Variants in NAT10 observed in about 807,000 individuals in gnomAD.
NAT10 encodes RNA cytidine acetyltransferase.
In NAT10, 109 loss-of-function variants were observed where a neutral mutation model predicts 132.2. That is an observed-to-expected ratio of 0.82 (90% confidence interval 0.71 to 0.97). The LOEUF (loss-of-function observed/expected upper bound fraction) is 0.97. NAT10 is among the 50% of genes least tolerant of loss of function. NAT10 has a pLI of 0.00. For missense variants in NAT10, 1,184 were observed against 1,263.4 expected, an observed-to-expected ratio of 0.94 and a Z score of 0.95; for synonymous variants, 479 against 478.0, an observed-to-expected ratio of 1.00 and a Z score of -0.03.
intron 18 of NAT10, among the ~76,000 whole-genome samples, chr11:34,134,962 A>G (rs1476544741): frequency 6.6e-6 from 1 of 152,196 alleles, no homozygotes; most frequent in African/African-American, 2.4e-5. Flanking sequence ...GCTGTTCTTG[A>G]TGAGCTAGAC....
At position 34,113,784 on chromosome 11, in the gene NAT10, G is replaced by A. The variant is rs1165533445; in HGVS notation, c.441G>A (p.Val147=). 5 of 1,613,992 alleles carry A rather than the reference G, an allele frequency of 3.1e-6. No homozygotes were observed. The highest frequency in any genetic ancestry group is 4.2e-6 in the Non-Finnish European group (5 of 1,180,016). ...TVETVEGGGL[V]VILLRTMNSL... is the part of the protein sequence containing the mutation. Reference sequence around the variant, plus strand: ...AAACAGTGGAAGGTGGTGGGCTAGTGGTCATCCTCCTACGGACCATGAACT... The same window carrying A: ...AAACAGTGGAAGGTGGTGGGCTAGTAGTCATCCTCCTACGGACCATGAACT... The change falls in exon 5 of 29, where the codon GTG becomes GTA. Residue 147 remains valine (V), a synonymous_variant. Transcript: ENST00000257829.
Position 34,132,162 on chromosome 11 carries a change from A to T in NAT10, c.1558A>T (p.Lys520Ter). ...VNRDTLFCYH[K>*]ASEVFLQRLM... is the part of the protein sequence containing the mutation. Reference sequence around the variant, plus strand: ...TAGAGATACCCTCTTTTGCTACCACAAGGCCTCTGAAGTTTTCCTCCAACG... The same window carrying T: ...TAGAGATACCCTCTTTTGCTACCACTAGGCCTCTGAAGTTTTCCTCCAACG... The change falls in exon 15 of 29, where the codon AAG (lysine) becomes TAG (stop). Residue 520 changes from lysine (K) to a stop codon, truncating the protein, a stop_gained. Coordinates refer to ENST00000257829, the MANE Select transcript of NAT10 (RefSeq NM_024662.3). LOFTEE classifies it high-confidence loss of function. The T allele has an allele frequency of 6.2e-7, 1 of 1,614,112 alleles. No homozygotes were observed. Among genetic ancestry groups the T allele is most frequent in the Non-Finnish European group, 8.5e-7 (1 of 1,179,996 alleles).
chr11:34,135,391 C>T, intron 19 of NAT10, 100 bp downstream of exon 19: 1 of 890,526 alleles, frequency 1.1e-6, no homozygotes, highest in Non-Finnish European at 1.8e-6. Context: ...AGCTTTGGAC[C>T]CCTCTCTCAT....
chr11:34,138,190 G>T (rs1307882394), intron 21 of NAT10, among the ~76,000 whole-genome samples: 1 of 152,138 alleles, frequency 6.6e-6, no homozygotes, highest in African/African-American at 2.4e-5. Context: ...GAGGTGGTGG[G>T]TGGGACTCGA....
At chr11:34,135,544 A>C (rs1233201394) in intron 19 of NAT10, among the ~76,000 whole-genome samples, 1 of 152,152 alleles carries the variant, frequency 6.6e-6, no homozygotes. Flanking sequence ...AGACCCTGTA[A>C]TCTGTAGTTT....
At chr11:34,141,859 T>C (rs759777094) in intron 26 of NAT10, 42 bp downstream of exon 26, 1 of 1,531,998 alleles carries the variant, frequency 6.5e-7, no homozygotes, top group Non-Finnish European at 9.0e-7. Context: ...AGCATTTCCA[T>C]CAGTTGCCTT....
intron 15 of NAT10, among the ~76,000 whole-genome samples, chr11:34,132,676 G>A (rs548597203): frequency 6.6e-6 from 1 of 152,374 alleles, no homozygotes; most frequent in South Asian, 2.1e-4. Flanking sequence ...AAGGCTTGAA[G>A]AGTTGGTGTT....
chr11:34,124,388 G>A lies in NAT10; in HGVS notation c.1095G>A (p.Arg365=). The change falls in exon 11 of 29, where the codon AGG becomes AGA. Residue 365 remains arginine (R), a synonymous_variant. Coordinates refer to ENST00000257829, the MANE Select transcript of NAT10 (RefSeq NM_024662.3). Reference sequence around the variant, plus strand: ...GAGTGAATGTATTTCGAGAACACAGGCAGACTATTCAGGTGAGGCTTGTTC... The same window carrying A: ...GAGTGAATGTATTTCGAGAACACAGACAGACTATTCAGGTGAGGCTTGTTC... The part of the protein sequence containing the change: ...VIRVNVFREH[R]QTIQYIHPAD... 1 of 1,613,380 alleles carries A rather than the reference G, an allele frequency of 6.2e-7. No individual in the cohort carries two copies. Among genetic ancestry groups the A allele is most frequent in the Middle Eastern group, 1.6e-4 (1 of 6,062 alleles).
chr11:34,136,948 C>T (rs188225618), intron 20 of NAT10, 30 bp from the exon 21 acceptor site: 1 of 1,613,776 alleles, frequency 6.2e-7, no homozygotes, highest in African/African-American at 1.3e-5. Context: ...AGGCCACACA[C>T]AGTGACCTAC....
intron 8 of NAT10, among the ~76,000 whole-genome samples, chr11:34,120,467 G>A (rs1385914598): frequency 6.6e-6 from 1 of 152,146 alleles, no homozygotes; most frequent in Non-Finnish European, 1.5e-5. Context: ...TGTCTTCTTA[G>A]CATCATTGCC....
intron 25 of NAT10, 26 bp from the exon 26 acceptor site, chr11:34,141,693 G>A (rs1444426902): frequency 1.3e-5 from 21 of 1,608,180 alleles, no homozygotes; most frequent in Non-Finnish European, 1.6e-5. Context: ...TTCATCTTCT[G>A]CTTCTCTGTT....
In NAT10 at chr11:34,138,852, A is replaced by G. The variant is rs1852266089; in HGVS notation, c.2212-339A>G. Reference sequence around the variant, plus strand: ...ATTGTGTGGCGCTTAAGCCCTAATGACTGAGTTCAGCATCTACCTGAGAGG... The same window carrying G: ...ATTGTGTGGCGCTTAAGCCCTAATGGCTGAGTTCAGCATCTACCTGAGAGG... On this transcript the variant is annotated intron_variant, in intron 21 of 28. Coordinates refer to ENST00000257829, the MANE Select transcript of NAT10 (RefSeq NM_024662.3). 1.6e-5 allele frequency: 4 copies of G among 248,450 alleles called. No individual in the cohort carries two copies. In the South Asian group the frequency reaches 2.8e-4, roughly 17 times the overall value. The allele number at this position is 248,450 out of a possible 1,614,324, so 15.4% of individuals were successfully genotyped here. A position where few individuals can be genotyped will look rare whatever the true frequency, so the allele number is the denominator to read the frequency against.
rs189084782 is a variant in NAT10, at chr11:34,125,831, G to C, written c.1107+1431G>C. 1.8e-3 allele frequency among the ~76,000 whole-genome samples: 276 copies of C among 152,288 alleles called. 1 individual carries two copies. The highest frequency in any genetic ancestry group is 6.4e-3 in the African/African-American group (267 of 41,552). On this transcript the variant is annotated intron_variant, in intron 11 of 28. Transcript: ENST00000257829. ...TTAAAAAAGTTAGCCAGGCGTGGTGGCATGCGCCTGCAATCCCAGCTACTC... is the reference window on the plus strand; with the variant it reads ...TTAAAAAAGTTAGCCAGGCGTGGTGCCATGCGCCTGCAATCCCAGCTACTC...
At chr11:34,127,385 CT>C in intron 11 of NAT10, 77 bp from the exon 12 acceptor site, 1 of 1,396,876 alleles carries the variant, frequency 7.2e-7, no homozygotes, top group East Asian at 2.5e-5. Flanking sequence ...AGAGAACATC[CT>C]TTATGATGAG....
At chr11:34,110,169 C>T (rs16925181) in intron 3 of NAT10, among the ~76,000 whole-genome samples, 15,535 of 152,120 alleles carry the variant, frequency 0.1, 864 homozygotes, top group African/African-American at 0.15. Context: ...CTCTGGATCT[C>T]GTCTCCTTAC....
intron 20 of NAT10, 38 bp from the exon 21 acceptor site, chr11:34,136,940 G>A (rs769150500): frequency 1.9e-6 from 3 of 1,613,836 alleles, no homozygotes; most frequent in East Asian, 4.5e-5. Context: ...CTCCCCAGAG[G>A]CCACACACAG....
chr11:34,127,968 CATA>C (rs1852028621), intron 12 of NAT10, among the ~76,000 whole-genome samples: 1 of 152,094 alleles, frequency 6.6e-6, no homozygotes, highest in Admixed American at 6.6e-5. Flanking sequence ...AAAGCAAGCT[CATA>C]ATGACTTTTT....
chr11:34,130,428 A>T (rs1852084181), intron 12 of NAT10, among the ~76,000 whole-genome samples: 1 of 152,178 alleles, frequency 6.6e-6, no homozygotes, highest in Admixed American at 6.5e-5. Flanking sequence ...CTTCACTAAA[A>T]CTGCCTAAAG....
At chr11:34,145,064 T>G (rs915131557) in intron 28 of NAT10, among the ~76,000 whole-genome samples, 14 of 152,192 alleles carry the variant, frequency 9.2e-5, no homozygotes, top group African/African-American at 3.4e-4. Context: ...TTTTGTACAG[T>G]ATGGCAAATG....
Sources: gnomAD v4.1 joint callset for allele counts (sites outside exome capture counted in the v4.1 genomes callset) on GRCh38, gnomAD v4.1.1 for gene constraint, MANE v1.5 for transcripts, NCBI Gene and HGNC (gene_info 2026-07-23, HGNC 2026-07-21) for gene names.